Variants in CPVL observed in about 807,000 individuals in gnomAD.
The protein encoded by CPVL is probable serine carboxypeptidase CPVL.
Under a neutral mutation model 63.7 loss-of-function variants are expected in CPVL, and 51 were observed. The ratio of observed to expected loss-of-function variants is 0.80; its 90% CI spans 0.64 to 1.01. CPVL has a LOEUF of 1.01. Ranked by LOEUF, CPVL falls within the 50% of genes least tolerant of loss-of-function variation. The pLI, the probability that CPVL is intolerant of heterozygous loss-of-function variation, is 0.00. For missense variants in CPVL, 530 were observed against 573.1 expected, an observed-to-expected ratio of 0.92 and a Z score of 0.77; for synonymous variants, 195 against 206.0, an observed-to-expected ratio of 0.95 and a Z score of 0.46.
chr7:29,169,951 A>G (rs1446592856), intron 5 of CPVL, among the ~76,000 whole-genome samples: 2 of 151,648 alleles, frequency 1.3e-5, no homozygotes, highest in Non-Finnish European at 2.9e-5. Flanking sequence ...ATCATAGCTC[A>G]TTGCAGCCTT....
chr7:29,152,077 G>C (rs952088886), intron 5 of CPVL, among the ~76,000 whole-genome samples: 4 of 152,168 alleles, frequency 2.6e-5, no homozygotes, highest in African/African-American at 9.7e-5. Flanking sequence ...ATGAAGAGTT[G>C]CATGATCCAA....
At chr7:29,135,936 G>A (rs1006543301) in intron 1 of CPVL, among the ~76,000 whole-genome samples, 1 of 151,436 alleles carries the variant, frequency 6.6e-6, no homozygotes, top group African/African-American at 2.4e-5. Context: ...AGTTTTTTTT[G>A]TTTGTTTGTT....
At chr7:29,066,895 C>T (rs1434073468) in intron 9 of CPVL, among the ~76,000 whole-genome samples, 1 of 152,162 alleles carries the variant, frequency 6.6e-6, no homozygotes, top group Admixed American at 6.5e-5. Context: ...GGCTGTGGTT[C>T]AGCCAAAGGA....
intron 1 of CPVL, among the ~76,000 whole-genome samples, chr7:29,142,397 A>G (rs1024218790): frequency 2.0e-5 from 3 of 152,154 alleles, no homozygotes; most frequent in African/African-American, 7.2e-5. Flanking sequence ...GCTATTGGGC[A>G]TTTCAGGACA....
intron 5 of CPVL, among the ~76,000 whole-genome samples, chr7:29,162,533 T>C (rs1382169774): frequency 6.6e-6 from 1 of 151,994 alleles, no homozygotes; most frequent in Non-Finnish European, 1.5e-5. Context: ...TGGTGGCGCA[T>C]GCCTGTAATC....
chr7:29,163,742 C>T (rs867252203), intron 5 of CPVL, among the ~76,000 whole-genome samples: 1 of 152,276 alleles, frequency 6.6e-6, no homozygotes, highest in Middle Eastern at 3.4e-3. Context: ...CTTTCCATTA[C>T]TATAGATTAG....
intron 11 of CPVL, among the ~76,000 whole-genome samples, chr7:29,038,889 T>C (rs1358977035): frequency 1.3e-5 from 2 of 152,158 alleles, no homozygotes; most frequent in South Asian, 2.1e-4. Flanking sequence ...TGCTCACTTG[T>C]GTATGTAGTG....
chr7:29,112,205 C>T (rs935667455), intron 3 of CPVL, among the ~76,000 whole-genome samples: 1 of 152,140 alleles, frequency 6.6e-6, no homozygotes, highest in Non-Finnish European at 1.5e-5. Context: ...GTGGCCCCCA[C>T]AGAACAGAAT....
intron 4 of CPVL, among the ~76,000 whole-genome samples, chr7:29,182,904 T>C (rs528820724): frequency 2.0e-5 from 3 of 152,296 alleles, no homozygotes; most frequent in African/African-American, 7.2e-5. Context: ...TTAAATGGCT[T>C]GAGAATCCAG....
chr7:29,135,559 C>T (rs1435720117), intron 1 of CPVL, among the ~76,000 whole-genome samples: 1 of 152,096 alleles, frequency 6.6e-6, no homozygotes, highest in Non-Finnish European at 1.5e-5. Flanking sequence ...GTCTCGAACT[C>T]CTGACCTCGT....
chr7:29,059,306 TCTA>T (rs1791043949), intron 11 of CPVL, among the ~76,000 whole-genome samples: 1 of 152,194 alleles, frequency 6.6e-6, no homozygotes, highest in African/African-American at 2.4e-5. Flanking sequence ...TTGCAGGTTG[TCTA>T]CTTTTTCCAT....
intron 11 of CPVL, among the ~76,000 whole-genome samples, chr7:29,046,520 C>G (rs1364072873): frequency 1.3e-5 from 2 of 151,984 alleles, no homozygotes; most frequent in African/African-American, 2.4e-5. Context: ...CACTTAGAAA[C>G]ACAAACAACC....
Position 29,092,623 on chromosome 7 carries a change from C to CT in CPVL, c.541dup (p.Ser181LysfsTer12), listed in dbSNP as rs779312031. 6.2e-7 allele frequency: 1 copy of CT among 1,608,990 alleles called. No homozygotes were observed. Among genetic ancestry groups the CT allele is most frequent in the Non-Finnish European group, 8.5e-7 (1 of 1,175,376 alleles). On this transcript the variant is annotated frameshift_variant and splice_region_variant, in exon 6 of 13. Transcript: ENST00000265394. ...CCAAGAGAAAGCAGGAGCATTTTAC[C>CT]TGTATAAATCCCGTGCTACATCGTC... is the stretch of plus-strand genomic sequence containing the variant.
At chr7:29,106,685 A>C (rs1787752136) in intron 3 of CPVL, among the ~76,000 whole-genome samples, 3 of 152,086 alleles carry the variant, frequency 2.0e-5, no homozygotes, top group Admixed American at 1.3e-4. Flanking sequence ...AAAAAAAAAC[A>C]AAAATTAAAA....
intron 1 of CPVL, among the ~76,000 whole-genome samples, chr7:29,129,688 C>G (rs1369288507): frequency 1.3e-5 from 2 of 151,966 alleles, no homozygotes; most frequent in Non-Finnish European, 2.9e-5. Flanking sequence ...AGGATGGTCT[C>G]GATCTCCTGA....
At chr7:29,008,249 G>A (rs1785409781) in intron 12 of CPVL, among the ~76,000 whole-genome samples, 1 of 152,138 alleles carries the variant, frequency 6.6e-6, no homozygotes, top group Non-Finnish European at 1.5e-5. Flanking sequence ...GTTAAGGTTG[G>A]GAAAGGAAAC....
At chr7:29,050,080 T>C (rs1407059595) in intron 11 of CPVL, among the ~76,000 whole-genome samples, 5 of 152,106 alleles carry the variant, frequency 3.3e-5, no homozygotes, top group Non-Finnish European at 5.9e-5. Flanking sequence ...ACATTCCCTC[T>C]GAGAACTGGA....
chr7:29,055,859 C>A (rs893726588), intron 11 of CPVL, among the ~76,000 whole-genome samples: 18 of 152,170 alleles, frequency 1.2e-4, no homozygotes, highest in Admixed American at 1.2e-3. Flanking sequence ...TGTTTGTTGT[C>A]ATTTATCCTG....
intron 11 of CPVL, among the ~76,000 whole-genome samples, chr7:29,036,419 C>G (rs1788535419): frequency 6.6e-6 from 1 of 152,204 alleles, no homozygotes; most frequent in Admixed American, 6.5e-5. Flanking sequence ...CGACACAGCA[C>G]TTCTTCTAAA....
Sources: allele counts gnomAD v4.1 joint callset (sites outside exome capture counted in the v4.1 genomes callset), GRCh38; gene constraint gnomAD v4.1.1; transcripts MANE v1.5; gene names NCBI Gene and HGNC (gene_info 2026-07-23, HGNC 2026-07-21).